ATP13A4: variants seen among roughly 807,000 people sequenced by gnomAD.
The protein encoded by ATP13A4 is ATPase 13A4.
Under a neutral mutation model 142.5 loss-of-function variants are expected in ATP13A4, and 114 were observed. The ratio of observed to expected loss-of-function variants is 0.80; its 90% CI spans 0.69 to 0.93. The LOEUF (loss-of-function observed/expected upper bound fraction) is 0.93. Ranked by LOEUF, ATP13A4 falls within the 40% of genes least tolerant of loss-of-function variation. ATP13A4 has a pLI of 0.00. For synonymous variants in ATP13A4, 488 were observed against 514.8 expected (o/e 0.95, Z 0.70); for missense variants, 1,392 against 1,454.0 (o/e 0.96, Z 0.69).
In ATP13A4 at chr3:193,440,655, T is replaced by C; in HGVS notation, c.2440-18A>G. ...ATCAATATCTGTAAGGAACCCAAAA[T>C]GGAGATTTTTTTATCAAGTCATCTG... is the stretch of plus-strand genomic sequence containing the variant. On this transcript the variant is annotated intron_variant, in intron 20 of 29. Transcript: ENST00000342695. 1 of 1,612,936 alleles carries C rather than the reference T, an allele frequency of 6.2e-7. No homozygotes were observed. The highest frequency in any genetic ancestry group is 8.5e-7 in the Non-Finnish European group (1 of 1,179,104).
chr3:193,590,156 G>A (rs1724736529), intron 1 of ATP13A4, among the ~76,000 whole-genome samples: 1 of 152,172 alleles, frequency 6.6e-6, no homozygotes, highest in Non-Finnish European at 1.5e-5. Flanking sequence ...AGCCTATGCA[G>A]GAGAACTGGA....
chr3:193,407,368 C>T lies in ATP13A4; in HGVS notation c.3323G>A (p.Arg1108Lys). The stretch of plus-strand genomic sequence containing the variant: ...GCTGAGCATGATGACAATGGAGGCC[C>T]TCCACAGGACGGGAGTGCAGAGCAG... The part of the protein sequence containing the change: ...LDLLCTPVLW[R>K]ASIVIMLSLN... Residue 1108 changes from arginine to lysine, a missense_variant, in exon 29 of 30, where the codon AGG becomes AAG. Transcript: ENST00000342695. 1 of 1,613,572 alleles carries T rather than the reference C, an allele frequency of 6.2e-7. No homozygotes were observed. Among genetic ancestry groups the T allele is most frequent in the Non-Finnish European group, 8.5e-7 (1 of 1,179,602 alleles).
At chr3:193,418,002 G>A (rs1208970860) in intron 25 of ATP13A4, among the ~76,000 whole-genome samples, 1 of 143,346 alleles carries the variant, frequency 7.0e-6, no homozygotes, top group African/African-American at 2.6e-5. Context: ...GGCGCCTGTA[G>A]TCCCAGCTAC....
chr3:193,504,021 G>GT (rs376084442), intron 2 of ATP13A4, among the ~76,000 whole-genome samples: 1 of 45,138 alleles, frequency 2.2e-5, no homozygotes, highest in Non-Finnish European at 4.7e-5. Flanking sequence ...GTGTGTGTGT[G>GT]AGAGAGAGAG....
chr3:193,417,620 A>T (rs1715130758), intron 25 of ATP13A4, among the ~76,000 whole-genome samples: 1 of 152,228 alleles, frequency 6.6e-6, no homozygotes, highest in Non-Finnish European at 1.5e-5. Context: ...TTAAGATCAG[A>T]ACAAGGTAAA....
At chr3:193,417,893 C>T (rs557596045) in intron 25 of ATP13A4, among the ~76,000 whole-genome samples, 55 of 146,916 alleles carry the variant, frequency 3.7e-4, no homozygotes, top group Non-Finnish European at 6.1e-4. Flanking sequence ...GAGGCCAAGG[C>T]GGGCGGATCA....
rs754799084 is a variant in ATP13A4, at chr3:193,489,731, T to C, written c.737A>G (p.Glu246Gly). The part of the protein sequence containing the change: ...SISLTVYDLR[E>G]QSVKLHHLVE... ...CATAGAATTAATAGAAAAACTCACC[T>C]CTCTGAGATCATATACTGTCAAAGA... The change falls in exon 7 of 30, where the codon GAG (glutamate) becomes GGG (glycine). Residue 246 changes from glutamate (E) to glycine (G), a missense_variant and splice_region_variant. Glu to Gly is a moderately conservative substitution (Grantham distance 98). Coordinates refer to ENST00000342695, the MANE Select transcript of ATP13A4 (RefSeq NM_032279.4). The C allele has an allele frequency of 6.2e-7, 1 of 1,608,064 alleles. No homozygotes were observed. The highest frequency in any genetic ancestry group is 8.5e-7 in the Non-Finnish European group (1 of 1,174,712).
At chr3:193,475,157 G>A (rs1167167740) in intron 8 of ATP13A4, among the ~76,000 whole-genome samples, 7 of 152,024 alleles carry the variant, frequency 4.6e-5, no homozygotes, top group African/African-American at 1.5e-4. Context: ...CAGAATCTGT[G>A]CCGAAGATAT....
intron 15 of ATP13A4, 101 bp downstream of exon 15, chr3:193,457,278 C>G: frequency 6.4e-7 from 1 of 1,571,812 alleles, no homozygotes; most frequent in Non-Finnish European, 8.8e-7. Context: ...ATTTTCACAC[C>G]TGAAATTCAA....
intron 3 of ATP13A4, among the ~76,000 whole-genome samples, chr3:193,502,214 T>C (rs890836504): frequency 6.6e-6 from 1 of 152,250 alleles, no homozygotes; most frequent in Non-Finnish European, 1.5e-5. Flanking sequence ...TTAATCTTTG[T>C]ATTTCTAAAT....
rs1717531927 is a variant in ATP13A4 at position 193,455,262 on chromosome 3, A to G, written c.1916-1050T>C. Among the ~76,000 whole-genome samples, 6 of 148,642 alleles carry G rather than the reference A, an allele frequency of 4.0e-5. No individual in the cohort carries two copies. In the Admixed American group the frequency reaches 4.1e-4, roughly 10 times the overall value. On this transcript the variant is annotated intron_variant, in intron 16 of 29. Transcript: ENST00000342695. ...GGGCTGAGGCAGGAGAATGGCGTGAACCCGGGAGGCGGAGCTTGCAGTGAG... is the reference window on the plus strand; with the variant it reads ...GGGCTGAGGCAGGAGAATGGCGTGAGCCCGGGAGGCGGAGCTTGCAGTGAG...
chr3:193,531,296 GAGGAAGGAAGGAAGGAAGGAAGGA>G (rs772860170), intron 1 of ATP13A4, among the ~76,000 whole-genome samples: 2 of 73,920 alleles, frequency 2.7e-5, no homozygotes, highest in East Asian at 1.0e-3. Flanking sequence ...GGGAGGGAGG[GAGGAAGGAAGGAAGGAAGGAAGGA>G]AGGAAGGAAG....
At chr3:193,550,120 T>C (rs1723464229) in intron 1 of ATP13A4, among the ~76,000 whole-genome samples, 1 of 152,140 alleles carries the variant, frequency 6.6e-6, no homozygotes, top group Non-Finnish European at 1.5e-5. Flanking sequence ...GCACCAACAT[T>C]ATTTATTTCA....
At chr3:193,508,096 G>C (rs1041784863) in intron 2 of ATP13A4, among the ~76,000 whole-genome samples, 1 of 152,146 alleles carries the variant, frequency 6.6e-6, no homozygotes, top group Non-Finnish European at 1.5e-5. Context: ...ACAGAGAAAA[G>C]ACCCCATGAA....
At chr3:193,589,379 C>A (rs1724723515) in intron 1 of ATP13A4, among the ~76,000 whole-genome samples, 2 of 152,080 alleles carry the variant, frequency 1.3e-5, no homozygotes, top group African/African-American at 4.8e-5. Context: ...CAGGAAACCA[C>A]AAAGAGTAGT....
At chr3:193,508,770 C>T (rs899695518) in intron 2 of ATP13A4, among the ~76,000 whole-genome samples, 8 of 152,080 alleles carry the variant, frequency 5.3e-5, no homozygotes, top group African/African-American at 1.4e-4. Flanking sequence ...AAACATAATG[C>T]TATATTCTCT....
chr3:193,454,016 C>A, intron 17 of ATP13A4, 85 bp downstream of exon 17: 1 of 1,169,392 alleles, frequency 8.6e-7, no homozygotes, highest in African/African-American at 1.5e-5. Context: ...CCCCTAAGTC[C>A]ATCCCAGTCT....
intron 18 of ATP13A4, among the ~76,000 whole-genome samples, chr3:193,442,957 C>CT (rs1716735101): frequency 6.6e-6 from 1 of 152,164 alleles, no homozygotes; most frequent in Non-Finnish European, 1.5e-5. Context: ...ATGGAAAACT[C>CT]TGAACAAAAA....
chr3:193,554,760 C>T lies in ATP13A4; in HGVS notation c.40G>A (p.Glu14Lys), dbSNP rs1001108822. 44 of 1,613,714 alleles carry T rather than the reference C, an allele frequency of 2.7e-5. No homozygotes were observed. The highest frequency in any genetic ancestry group is 3.6e-5 in the Non-Finnish European group (43 of 1,179,996). Residue 14 changes from glutamate to lysine, a missense_variant, in exon 1 of 30, where the codon GAA (glutamate) becomes AAA (lysine). Coordinates refer to ENST00000342695, the MANE Select transcript of ATP13A4 (RefSeq NM_032279.4). ...CTTACCATCTCATTCTCTTCTCCTT[C>T]ATTGAGCAGAGCGTGCTGGCCCTTC... is the stretch of plus-strand genomic sequence containing the variant. ...FEKGQHALLN[E>K]GEENEMEIFG... is the part of the protein sequence containing the mutation.
Sources: allele counts gnomAD v4.1 joint callset (sites outside exome capture counted in the v4.1 genomes callset), GRCh38; gene constraint gnomAD v4.1.1; transcripts MANE v1.5; gene names NCBI Gene and HGNC (gene_info 2026-07-23, HGNC 2026-07-21).